The following DLG2 variants were observed in gnomAD, a reference collection of about 807,000 sequenced individuals.
The protein encoded by DLG2 is discs large MAGUK scaffold protein 2, also known as disks large homolog 2.
A neutral mutation model predicts 132.5 loss-of-function variants in DLG2; 45 were observed. The observed-to-expected ratio is 0.34, with a 90% CI of 0.27 to 0.44. DLG2 has a LOEUF of 0.44. Among genes scored for constraint, DLG2 ranks in the 20% least tolerant of loss-of-function variants. The pLI is 1.00. For missense variants in DLG2, 1,045 were observed against 1,196.9 expected (o/e 0.87, Z 1.87); for synonymous variants, 424 against 419.6 (o/e 1.01, Z -0.13).
rs139741148 is a variant in DLG2 at position 85,212,977 on chromosome 11, G to C, written c.187-58326C>G. The stretch of plus-strand genomic sequence containing the variant: ...AAAATGTGAGTAGGTAGGCTTTGCT[G>C]TAATTATGGAGAATACATATCTGAT... On this transcript the variant is annotated intron_variant, in intron 4 of 27. Coordinates refer to ENST00000376104, the MANE Select transcript of DLG2 (RefSeq NM_001142699.3). 1.5e-4 allele frequency among the ~76,000 whole-genome samples: 23 copies of C among 152,226 alleles called. 1 individual carries two copies. The South Asian group carries it at 4.6e-3, about 30-fold the overall frequency.
intron 4 of DLG2, among the ~76,000 whole-genome samples, chr11:85,262,084 G>A (rs2076973005): frequency 6.6e-6 from 1 of 152,170 alleles, no homozygotes; most frequent in African/African-American, 2.4e-5. Context: ...AGAGAGTCAT[G>A]AAAGCCTGAA....
At chr11:85,075,447 C>T (rs2066404664) in intron 6 of DLG2, among the ~76,000 whole-genome samples, 1 of 151,814 alleles carries the variant, frequency 6.6e-6, no homozygotes, top group Non-Finnish European at 1.5e-5. Context: ...TATAGCCAAA[C>T]CACTTAATAA....
intron 3 of DLG2, among the ~76,000 whole-genome samples, chr11:85,386,261 A>T (rs998477574): frequency 2.6e-5 from 4 of 152,186 alleles, no homozygotes; most frequent in Non-Finnish European, 5.9e-5. Flanking sequence ...ATGTTAACTT[A>T]CTTAGCCCTC....
chr11:83,752,093 C>T (rs1175127815), intron 18 of DLG2, among the ~76,000 whole-genome samples: 1 of 151,978 alleles, frequency 6.6e-6, no homozygotes, highest in Non-Finnish European at 1.5e-5. Context: ...ACGGTGAAAC[C>T]CCGTCTCTAC....
In DLG2 at chr11:83,770,264, TG is replaced by T. The variant is rs1408779811; in HGVS notation, c.1825+16425del. On this transcript the variant is annotated intron_variant, in intron 18 of 27. Coordinates refer to ENST00000376104, the MANE Select transcript of DLG2 (RefSeq NM_001142699.3). ...TCTCGTGGTGTCTGGTGTTTTTTTT[TG>T]TTTTTTTGCTTTTTGTACAAAGATT... Among the ~76,000 whole-genome samples, 978 of 147,104 alleles carry T rather than the reference TG, an allele frequency of 6.6e-3. 44 individuals are homozygous for T. The highest frequency in any genetic ancestry group is 0.024 in the African/African-American group (894 of 37,182).
intron 16 of DLG2, among the ~76,000 whole-genome samples, chr11:83,857,371 A>G (rs1478916174): frequency 6.6e-6 from 1 of 152,194 alleles, no homozygotes. Context: ...TGGTAGTTTA[A>G]CAGGAATAGC....
chr11:83,614,917 G>A (rs1292662030), intron 19 of DLG2, among the ~76,000 whole-genome samples: 1 of 152,192 alleles, frequency 6.6e-6, no homozygotes. Flanking sequence ...GCATAGCACA[G>A]CTGATTTGCT....
chr11:83,510,836 T>TG (rs2094973829), intron 21 of DLG2, among the ~76,000 whole-genome samples: 1 of 141,202 alleles, frequency 7.1e-6, no homozygotes, highest in Non-Finnish European at 1.5e-5. Context: ...ATCCGTTTTT[T>TG]TTTTTTTTTT....
chr11:84,373,473 C>T lies in DLG2; in HGVS notation c.520-122182G>A, dbSNP rs1045086308. On this transcript the variant is annotated intron_variant, in intron 7 of 27. Transcript: ENST00000376104. ...GAATCCCAGCTACTCAGGAGGCTGA[C>T]GCAGGAGAATCGCTTGAACCTGGGA... 5.9e-5 allele frequency among the ~76,000 whole-genome samples: 9 copies of T among 151,402 alleles called. No homozygotes were observed. In the South Asian group the frequency reaches 6.3e-4, roughly 11 times the overall value.
intron 19 of DLG2, among the ~76,000 whole-genome samples, chr11:83,614,256 T>C (rs918293006): frequency 1.3e-5 from 2 of 152,180 alleles, no homozygotes; most frequent in South Asian, 4.1e-4. Flanking sequence ...CATGTCTAAC[T>C]GTCTGCAATA....
chr11:85,058,844 C>A (rs2063731173), intron 6 of DLG2, among the ~76,000 whole-genome samples: 1 of 151,180 alleles, frequency 6.6e-6, no homozygotes, highest in African/African-American at 2.4e-5. Flanking sequence ...GACCCCTTAC[C>A]TCATACTATA....
intron 18 of DLG2, among the ~76,000 whole-genome samples, chr11:83,752,120 C>A (rs1056667516): frequency 7.2e-5 from 11 of 152,056 alleles, no homozygotes; most frequent in African/African-American, 2.6e-4. Flanking sequence ...TAGAAAAAAT[C>A]AGCTGGGCAT....
intron 3 of DLG2, among the ~76,000 whole-genome samples, chr11:85,498,827 C>T (rs1287344533): frequency 3.3e-5 from 5 of 152,204 alleles, no homozygotes; most frequent in Non-Finnish European, 7.4e-5. Flanking sequence ...AACTGAACAA[C>T]CTGCTCCAGA....
Position 83,541,827 on chromosome 11 carries a change from T to A in DLG2, c.1972A>T (p.Ser658Cys). The A allele has an allele frequency of 6.2e-7, 1 of 1,612,264 alleles. No individual in the cohort carries two copies. The highest frequency in any genetic ancestry group is 8.5e-7 in the Non-Finnish European group (1 of 1,178,976). The change falls in exon 20 of 28, where the codon AGT becomes TGT. Residue 658 changes from serine (S) to cysteine (C), a missense_variant. Transcript: ENST00000376104. ...AMFDYDKSKD[S>C]GLPSQGLSFK... ...CTAAGTCCTTGACTTGGCAGCCCAC[T>A]GTCCTTGCTCTTGTCGTAGTCGAAC... is the stretch of plus-strand genomic sequence containing the variant.
intron 19 of DLG2, among the ~76,000 whole-genome samples, chr11:83,543,505 T>C (rs1289702700): frequency 6.6e-6 from 1 of 152,184 alleles, no homozygotes; most frequent in Non-Finnish European, 1.5e-5. Flanking sequence ...GTCCATGTCC[T>C]GCTCCTACTA....
At chr11:84,889,923 G>A (rs2154062555) in intron 6 of DLG2, among the ~76,000 whole-genome samples, 1 of 152,308 alleles carries the variant, frequency 6.6e-6, no homozygotes, top group Non-Finnish European at 1.5e-5. Flanking sequence ...TCAGGAAACA[G>A]ATTCTAATCT....
intron 3 of DLG2, among the ~76,000 whole-genome samples, chr11:85,406,408 A>T (rs1015981137): frequency 4.4e-4 from 67 of 152,002 alleles, no homozygotes; most frequent in African/African-American, 1.6e-3. Context: ...AGGAATTTTT[A>T]AAAAAACAGA....
At chr11:84,118,208 T>C (rs541164509) in intron 9 of DLG2, among the ~76,000 whole-genome samples, 10 of 152,304 alleles carry the variant, frequency 6.6e-5, no homozygotes, top group African/African-American at 2.4e-4. Context: ...CCATGTTTAT[T>C]TATGTTTACT....
intron 11 of DLG2, among the ~76,000 whole-genome samples, chr11:84,000,927 T>C (rs530031292): frequency 2.6e-5 from 4 of 152,006 alleles, no homozygotes; most frequent in African/African-American, 9.6e-5. Context: ...TAAAACTCAC[T>C]GGTAAAGCAC....
Sources: allele counts gnomAD v4.1 joint callset (sites outside exome capture counted in the v4.1 genomes callset), GRCh38; gene constraint gnomAD v4.1.1; transcripts MANE v1.5; gene names NCBI Gene and HGNC (gene_info 2026-07-23, HGNC 2026-07-21).